Variants in CAP1 observed in about 807,000 individuals in gnomAD.
CAP1 encodes adenylyl cyclase-associated protein 1.
A neutral mutation model predicts 58.2 loss-of-function variants in CAP1; 11 were observed. The ratio of observed to expected loss-of-function variants is 0.19; its 90% confidence interval spans 0.12 to 0.31. The LOEUF (loss-of-function observed/expected upper bound fraction) is 0.31, where lower values mean the gene tolerates loss of function less well. Among genes scored for constraint, CAP1 ranks in the 10% least tolerant of loss-of-function variants. The pLI is 1.00. For synonymous variants in CAP1, 183 were observed against 213.8 expected (o/e 0.86, Z 1.26); for missense variants, 423 against 587.5 (o/e 0.72, Z 2.89).
chr1:40,063,191 TTTC>T (rs1463780622), intron 4 of CAP1, among the ~76,000 whole-genome samples: 4 of 150,978 alleles, frequency 2.6e-5, no homozygotes, highest in Non-Finnish European at 4.4e-5. Context: ...TATTTATTTA[TTTC>T]TGAGATGGAG....
At chr1:40,068,249 T>C (rs954151950) in intron 8 of CAP1, among the ~76,000 whole-genome samples, 3 of 152,190 alleles carry the variant, frequency 2.0e-5, no homozygotes, top group Non-Finnish European at 4.4e-5. Flanking sequence ...AACTACCACA[T>C]GTCCTCTTGA....
At chr1:40,056,760 A>C (rs1239745161) in intron 1 of CAP1, among the ~76,000 whole-genome samples, 2 of 152,118 alleles carry the variant, frequency 1.3e-5, no homozygotes, top group Non-Finnish European at 1.5e-5. Context: ...TGACCACCGG[A>C]AGAATGTACG....
chr1:40,059,032 T>TTTTTTTTTTTTTTTTTTTTTTTTTTGAG (rs1553163419), intron 1 of CAP1, among the ~76,000 whole-genome samples: 2 of 152,136 alleles, frequency 1.3e-5, no homozygotes, highest in South Asian at 2.1e-4. Flanking sequence ...TCTAACTTTC[T>TTTTTTTTTTTTTTTTTTTTTTTTTTGAG]ACACACAGTA....
chr1:40,048,655 A>C (rs1428944853), intron 1 of CAP1, among the ~76,000 whole-genome samples: 1 of 152,204 alleles, frequency 6.6e-6, no homozygotes, highest in African/African-American at 2.4e-5. Flanking sequence ...AAATGTGACA[A>C]ATATTGTAAA....
At chr1:40,067,007 A>T (rs1274198551) in intron 7 of CAP1, among the ~76,000 whole-genome samples, 2 of 152,232 alleles carry the variant, frequency 1.3e-5, no homozygotes, top group Non-Finnish European at 2.9e-5. Context: ...ATAAGGACTC[A>T]TGCTCAGATT....
Position 40,072,317 on chromosome 1 carries a change from T to G in CAP1, c.*784T>G, listed in dbSNP as rs1435000586. The stretch of plus-strand genomic sequence containing the variant: ...CTGGCATTCCTGAATCCTTCTTCCC[T>G]GCCAGGTGCCTGTCACCTGTCTTCA... On this transcript the variant is annotated 3_prime_UTR_variant, in exon 13 of 13. Transcript: ENST00000372805. 1.1e-5 allele frequency: 4 copies of G among 365,178 alleles called. No homozygotes were observed. Among genetic ancestry groups the G allele is most frequent in the African/African-American group, 8.4e-5 (4 of 47,468 alleles). The allele number at this position is 365,178 out of a possible 1,614,324, so 22.6% of individuals were successfully genotyped here.
chr1:40,053,851 A>T (rs3122413), intron 1 of CAP1, among the ~76,000 whole-genome samples: 1 of 152,050 alleles, frequency 6.6e-6, no homozygotes, highest in East Asian at 1.9e-4. Flanking sequence ...TTTAAGTCTC[A>T]AAAGAATCAA....
At chr1:40,064,189 A>C (rs188169822) in intron 4 of CAP1, 38 bp from the exon 5 acceptor site, 1 of 1,608,652 alleles carries the variant, frequency 6.2e-7, no homozygotes, top group Non-Finnish European at 8.5e-7. Flanking sequence ...CTTTGTGGAA[A>C]GATGTTAACC....
intron 7 of CAP1, chr1:40,067,202 G>A (rs1221707675): frequency 1.7e-5 from 4 of 240,474 alleles, no homozygotes; most frequent in Non-Finnish European, 2.4e-5. Flanking sequence ...GGAGAGGAGC[G>A]GCAGGAAATG....
intron 6 of CAP1, among the ~76,000 whole-genome samples, chr1:40,065,463 A>G (rs1647028996): frequency 6.6e-6 from 1 of 152,206 alleles, no homozygotes; most frequent in African/African-American, 2.4e-5. Flanking sequence ...TTTAAGGAAA[A>G]CTACACCTTC....
intron 1 of CAP1, among the ~76,000 whole-genome samples, chr1:40,047,084 A>G (rs569417026): frequency 2.2e-4 from 31 of 137,868 alleles, no homozygotes; most frequent in South Asian, 2.1e-3. Flanking sequence ...TTTTTAAAGT[A>G]CAGTAAAAAT....
At chr1:40,071,008 G>A (rs747019917) in intron 12 of CAP1, 29 bp downstream of exon 12, 22 of 1,577,812 alleles carry the variant, frequency 1.4e-5, no homozygotes, top group Admixed American at 1.9e-5. Context: ...TTAGTATGAT[G>A]TTAAAAACAG....
At chr1:40,070,355 T>C (rs1647656700) in intron 10 of CAP1, 73 bp downstream of exon 10, 1 of 1,608,120 alleles carries the variant, frequency 6.2e-7, no homozygotes, top group African/African-American at 1.3e-5. Flanking sequence ...TTACCTACCC[T>C]ATCCTTAAAG....
Position 40,060,189 on chromosome 1 carries a change from T to C in CAP1, c.216+19T>C. 6.3e-7 allele frequency: 1 copy of C among 1,588,518 alleles called. No individual in the cohort carries two copies. Among genetic ancestry groups the C allele is most frequent in the South Asian group, 1.1e-5 (1 of 90,316 alleles). On this transcript the variant is annotated intron_variant, in intron 3 of 12. Transcript: ENST00000372805. ...GAAACATGTAAGGATGTTTTGCCTT[T>C]TTCCCCTTCTTTTAAGGACTAACAG...
In CAP1 at chr1:40,061,716, T is replaced by C. The variant is rs1399033134; in HGVS notation, c.217-19T>C. 6.2e-7 allele frequency: 1 copy of C among 1,607,994 alleles called. No individual in the cohort carries two copies. The highest frequency in any genetic ancestry group is 1.7e-5 in the Admixed American group (1 of 59,994). ...CTAGTTATAATGTGTCATCAATAGC[T>C]GATTCTTCTTTCTGGCAGGCGGAGA... On this transcript the variant is annotated intron_variant, in intron 3 of 12. Coordinates refer to ENST00000372805, the MANE Select transcript of CAP1 (RefSeq NM_006367.4).
chr1:40,046,519 A>G (rs1646113782), intron 1 of CAP1, among the ~76,000 whole-genome samples: 1 of 152,194 alleles, frequency 6.6e-6, no homozygotes, highest in African/African-American at 2.4e-5. Flanking sequence ...CATATAGTTT[A>G]TGGAGTTATT....
At chr1:40,058,941 G>T (rs148568981) in intron 1 of CAP1, among the ~76,000 whole-genome samples, 5 of 151,968 alleles carry the variant, frequency 3.3e-5, no homozygotes, top group African/African-American at 1.2e-4. Context: ...ATCTCTAAGC[G>T]TGTAGTAATC....
In CAP1 at chr1:40,070,289, C is replaced by T; in HGVS notation, c.1117+7C>T. 1 of 1,614,114 alleles carries T rather than the reference C, an allele frequency of 6.2e-7. No individual in the cohort carries two copies. On this transcript the variant is annotated splice_region_variant and intron_variant, in intron 10 of 12. Coordinates refer to ENST00000372805, the MANE Select transcript of CAP1 (RefSeq NM_006367.4). The stretch of plus-strand genomic sequence containing the variant: ...ATTAACTCCATTACAGTAGGTGAGT[C>T]TTTGTCGCTGTCCCACGCAAGCCCC...
chr1:40,052,412 C>T (rs1256879695), intron 1 of CAP1, among the ~76,000 whole-genome samples: 2 of 152,200 alleles, frequency 1.3e-5, no homozygotes, highest in South Asian at 4.1e-4. Flanking sequence ...ATGATGAATG[C>T]TTAAGTAGTT....
Sources: gnomAD v4.1 joint callset for allele counts (sites outside exome capture counted in the v4.1 genomes callset) on GRCh38, gnomAD v4.1.1 for gene constraint, MANE v1.5 for transcripts, NCBI Gene and HGNC (gene_info 2026-07-23, HGNC 2026-07-21) for gene names.